Variants in PRICKLE1 observed in about 807,000 individuals in gnomAD.
PRICKLE1 encodes prickle planar cell polarity protein 1, also known as prickle-like protein 1.
PRICKLE1 carries 14 observed loss-of-function variants against 70.2 expected under a neutral mutation model. The observed-to-expected ratio is 0.20, with a 90% CI of 0.13 to 0.31. PRICKLE1 has a LOEUF of 0.31. PRICKLE1 is among the 10% of genes least tolerant of loss of function. The pLI, the probability that PRICKLE1 is intolerant of heterozygous loss-of-function variation, is 1.00. For synonymous variants in PRICKLE1, 357 were observed against 379.9 expected (o/e 0.94, Z 0.70); for missense variants, 821 against 1,026.2 (o/e 0.80, Z 2.73).
intron 1 of PRICKLE1, among the ~76,000 whole-genome samples, chr12:42,510,134 G>A (rs1373782577): frequency 2.6e-5 from 4 of 151,172 alleles, no homozygotes; most frequent in Non-Finnish European, 1.5e-5. Context: ...TCCCTCTGTC[G>A]CCCAGGCTGG....
In PRICKLE1 at chr12:42,460,457, C is replaced by T. The variant is rs1375442675; in HGVS notation, c.1848G>A (p.Leu616=). 1 of 1,614,008 alleles carries T rather than the reference C, an allele frequency of 6.2e-7. No individual in the cohort carries two copies. Among genetic ancestry groups the T allele is most frequent in the Non-Finnish European group, 8.5e-7 (1 of 1,179,878 alleles). Residue 616 remains leucine, a synonymous_variant, in exon 8 of 8, where the codon CTG becomes CTA. Transcript: ENST00000345127. ...GAGACTTGGACCTTCTGAGCACTGG[C>T]AGATGTACTGGCTTCTCTTCAGGCA... The part of the protein sequence containing the change: ...KILPEEKPVH[L]PVLRRSKSQS...
At chr12:42,504,985 C>T (rs1939381897) in intron 1 of PRICKLE1, among the ~76,000 whole-genome samples, 1 of 151,942 alleles carries the variant, frequency 6.6e-6, no homozygotes, top group African/African-American at 2.4e-5. Context: ...ACTAAAAATA[C>T]AAAAATTAGC....
chr12:42,517,535 A>G (rs1319868888), intron 1 of PRICKLE1, among the ~76,000 whole-genome samples: 2 of 151,918 alleles, frequency 1.3e-5, no homozygotes, highest in South Asian at 2.1e-4. Context: ...GATGGTCTTG[A>G]TCTCCTGACC....
chr12:42,581,994 GTGA>G (rs2120800758), intron 1 of PRICKLE1, among the ~76,000 whole-genome samples: 1 of 152,186 alleles, frequency 6.6e-6, no homozygotes, highest in Non-Finnish European at 1.5e-5. Flanking sequence ...AAAAAAAAGA[GTGA>G]TTTTTCTGAT....
chr12:42,497,582 C>T lies in PRICKLE1; in HGVS notation c.-48-25018G>A, dbSNP rs980064486. Among the ~76,000 whole-genome samples the T allele has an allele frequency of 7.3e-5, 11 of 151,538 alleles. No homozygotes were observed. In the South Asian group the frequency reaches 1.5e-3, roughly 20 times the overall value. On this transcript the variant is annotated intron_variant, in intron 1 of 7. Transcript: ENST00000345127. ...AAAAAAAAAATTCGATTAAATTTGC[C>T]ATCTTATATGGGCACAGTTCATGGT...
At chr12:42,510,180 C>T (rs139937258) in intron 1 of PRICKLE1, among the ~76,000 whole-genome samples, 336 of 152,144 alleles carry the variant, frequency 2.2e-3, no homozygotes, top group Non-Finnish European at 1.9e-3. Flanking sequence ...CTGCAAGCTC[C>T]GCCTCCTGGG....
chr12:42,561,036 A>C (rs1174518976), intron 1 of PRICKLE1, among the ~76,000 whole-genome samples: 1 of 152,198 alleles, frequency 6.6e-6, no homozygotes, highest in Middle Eastern at 3.2e-3. Context: ...AAGATTAAAA[A>C]GAGATAAGCC....
rs1422704392 is a variant in PRICKLE1, at chr12:42,457,204, G to GTT, written c.*2604_*2605insAA. 1.3e-5 allele frequency: 2 copies of GTT among 148,992 alleles called. No individual in the cohort carries two copies. The highest frequency in any genetic ancestry group is 3.0e-5 in the Non-Finnish European group (2 of 67,394). The allele number at this position is 148,992 out of a possible 1,614,324, so 9.2% of individuals were successfully genotyped here. ...AAAAAAAAAAAAAAAGGAAAAGAAAGTCACATTATTATTGTGAATAAATAT... is the reference window on the plus strand; with the variant it reads ...AAAAAAAAAAAAAAAGGAAAAGAAAGTTTCACATTATTATTGTGAATAAATAT... On this transcript the variant is annotated 3_prime_UTR_variant, in exon 8 of 8. Coordinates refer to ENST00000345127, the MANE Select transcript of PRICKLE1 (RefSeq NM_153026.3).
intron 1 of PRICKLE1, among the ~76,000 whole-genome samples, chr12:42,480,603 G>T (rs766302712): frequency 6.6e-6 from 1 of 152,156 alleles, no homozygotes; most frequent in Admixed American, 6.5e-5. Context: ...ATTTTCTACT[G>T]GTCTGTATGC....
chr12:42,484,489 A>T (rs943196565), intron 1 of PRICKLE1: 2 of 152,244 alleles, frequency 1.3e-5, no homozygotes, highest in African/African-American at 2.4e-5. Context: ...GTTCTCACTT[A>T]GAAGGGCTCA....
At chr12:42,562,059 G>A (rs939836309) in intron 1 of PRICKLE1, among the ~76,000 whole-genome samples, 1 of 151,904 alleles carries the variant, frequency 6.6e-6, no homozygotes, top group Non-Finnish European at 1.5e-5. Context: ...TTAGAGGCAC[G>A]TGCCACTGCA....
At chr12:42,469,414 T>A (rs760675908) in intron 4 of PRICKLE1, 36 bp downstream of exon 4, 52 of 1,612,776 alleles carry the variant, frequency 3.2e-5, no homozygotes, top group Admixed American at 1.2e-4. Flanking sequence ...TCCACATCAC[T>A]GCCACAAGCT....
chr12:42,530,431 A>G (rs766979542), intron 1 of PRICKLE1, among the ~76,000 whole-genome samples: 12 of 152,128 alleles, frequency 7.9e-5, no homozygotes, highest in Admixed American at 6.5e-5. Flanking sequence ...TCAGTCCACT[A>G]AATCCTCAAT....
chr12:42,484,288 T>A (rs1938928483), intron 1 of PRICKLE1: 1 of 151,932 alleles, frequency 6.6e-6, no homozygotes, highest in Non-Finnish European at 1.5e-5. Context: ...GCCCGCCCGC[T>A]CCATTCTCCC....
At chr12:42,502,068 A>G (rs746693601) in intron 1 of PRICKLE1, among the ~76,000 whole-genome samples, 2 of 151,958 alleles carry the variant, frequency 1.3e-5, no homozygotes, top group Non-Finnish European at 2.9e-5. Flanking sequence ...ATGAATGGAC[A>G]TTTATAGTTT....
At chr12:42,492,440 A>G (rs1939123481) in intron 1 of PRICKLE1, among the ~76,000 whole-genome samples, 2 of 152,240 alleles carry the variant, frequency 1.3e-5, no homozygotes, top group South Asian at 4.1e-4. Flanking sequence ...ACCATGTGCT[A>G]TAACTAACCA....
intron 1 of PRICKLE1, among the ~76,000 whole-genome samples, chr12:42,486,751 G>A (rs988285376): frequency 1.3e-5 from 2 of 152,164 alleles, no homozygotes; most frequent in African/African-American, 2.4e-5. Flanking sequence ...AGTTTTAAGG[G>A]TAAGAGTTAG....
rs778528977 is a variant in PRICKLE1, at chr12:42,459,917, A to G, written c.2388T>C (p.Asp796=). 10 of 1,614,130 alleles carry G rather than the reference A, an allele frequency of 6.2e-6. No homozygotes were observed. The highest frequency in any genetic ancestry group is 8.5e-6 in the Non-Finnish European group (10 of 1,180,022). The change falls in exon 8 of 8, where the codon GAT becomes GAC. Residue 796 remains aspartate (D), a synonymous_variant. Transcript: ENST00000345127. The part of the protein sequence containing the change: ...PRPQRFAYYT[D]DLSSPPSALP... Reference sequence around the variant, plus strand: ...GTGCAGATGGTGGACTAGAAAGGTCATCTGTATAGTAGGCAAATCTCTGTG... The same window carrying G: ...GTGCAGATGGTGGACTAGAAAGGTCGTCTGTATAGTAGGCAAATCTCTGTG...
intron 1 of PRICKLE1, among the ~76,000 whole-genome samples, chr12:42,477,498 A>ACG (rs1938611560): frequency 1.1e-4 from 3 of 27,346 alleles, no homozygotes; most frequent in African/African-American, 6.2e-4. Flanking sequence ...ATATATATAT[A>ACG]TATATATATA....
Sources: allele counts gnomAD v4.1 joint callset (sites outside exome capture counted in the v4.1 genomes callset), GRCh38; gene constraint gnomAD v4.1.1; transcripts MANE v1.5; gene names NCBI Gene and HGNC (gene_info 2026-07-23, HGNC 2026-07-21).